CMSS1: variants seen among roughly 807,000 people sequenced by gnomAD.
CMSS1 encodes protein CMSS1.
A neutral mutation model predicts 43.5 loss-of-function variants in CMSS1; 33 were observed. The ratio of observed to expected loss-of-function variants is 0.76; its 90% CI spans 0.57 to 1.01. The LOEUF is 1.01. CMSS1 is among the 50% of genes least tolerant of loss of function. The pLI is 0.00. For missense variants in CMSS1, 313 were observed against 326.4 expected (o/e 0.96, Z 0.32); for synonymous variants, 115 against 117.2 (o/e 0.98, Z 0.12).
intron 1 of CMSS1, among the ~76,000 whole-genome samples, chr3:100,013,214 G>GTGT (rs35047568): frequency 0.18 from 25,714 of 145,398 alleles, 2,287 homozygotes; most frequent in Non-Finnish European, 0.18. Flanking sequence ...GGCCAGTGAG[G>GTGT]TGTTGTTGTT....
chr3:100,019,887 G>T (rs1190202081), intron 1 of CMSS1, among the ~76,000 whole-genome samples: 1 of 152,088 alleles, frequency 6.6e-6, no homozygotes, highest in Non-Finnish European at 1.5e-5. Context: ...AAGCTACAGT[G>T]ACTCTTTTTT....
At chr3:99,969,114 G>A (rs2107714252) in intron 1 of CMSS1, among the ~76,000 whole-genome samples, 1 of 152,312 alleles carries the variant, frequency 6.6e-6, no homozygotes, top group Middle Eastern at 3.4e-3. Flanking sequence ...GGGGGGCCAT[G>A]TGTGGAGGGC....
In CMSS1 at chr3:99,969,429, A is replaced by G. The variant is rs567157338; in HGVS notation, c.64+151386A>G. On this transcript the variant is annotated intron_variant, in intron 1 of 9. Transcript: ENST00000421999. ...GAGATTGAGGACTGCAGATTTATAT[A>G]GTTGCGTCAATCTGAAAGCTGACTT... is the stretch of plus-strand genomic sequence containing the variant. Among the ~76,000 whole-genome samples the G allele has an allele frequency of 4.6e-5, 7 of 152,312 alleles. No individual in the cohort carries two copies. In the East Asian group the frequency reaches 7.7e-4, roughly 17 times the overall value.
chr3:99,901,856 T>C (rs551103128), intron 1 of CMSS1, among the ~76,000 whole-genome samples: 1 of 152,282 alleles, frequency 6.6e-6, no homozygotes, highest in Non-Finnish European at 1.5e-5. Flanking sequence ...TTTATACATT[T>C]GATTTTTTTG....
At position 100,030,301 on chromosome 3, in the gene CMSS1, A is replaced by G. The variant is rs562691552; in HGVS notation, c.65-116672A>G. 4.6e-5 allele frequency among the ~76,000 whole-genome samples: 7 copies of G among 152,290 alleles called. No individual in the cohort carries two copies. The South Asian group carries it at 1.2e-3, about 27-fold the overall frequency. On this transcript the variant is annotated intron_variant, in intron 1 of 9. Transcript: ENST00000421999. The stretch of plus-strand genomic sequence containing the variant: ...GGATGAGAAAGGGATCTATGCCACC[A>G]GAAGTCAGTGATCAGGCCAAAACTA...
chr3:100,120,543 T>C (rs1279064952), intron 1 of CMSS1, among the ~76,000 whole-genome samples: 2 of 152,188 alleles, frequency 1.3e-5, no homozygotes, highest in African/African-American at 4.8e-5. Flanking sequence ...TTGCACATCT[T>C]ATAAAGAGGT....
At chr3:99,899,814 C>T (rs1333931663) in intron 1 of CMSS1, among the ~76,000 whole-genome samples, 1 of 152,088 alleles carries the variant, frequency 6.6e-6, no homozygotes, top group Non-Finnish European at 1.5e-5. Context: ...TCTGTGCCAC[C>T]GTTTTCTCAT....
At chr3:99,869,265 T>C (rs1019916634) in intron 1 of CMSS1, among the ~76,000 whole-genome samples, 1 of 152,202 alleles carries the variant, frequency 6.6e-6, no homozygotes, top group Non-Finnish European at 1.5e-5. Flanking sequence ...TGTGATTCTT[T>C]GCATCTGTGT....
chr3:100,066,995 C>T (rs1479214110), intron 1 of CMSS1, among the ~76,000 whole-genome samples: 1 of 152,144 alleles, frequency 6.6e-6, no homozygotes, highest in Non-Finnish European at 1.5e-5. Flanking sequence ...GTGTCCCATA[C>T]ACATATTGAG....
chr3:100,168,902 T>C (rs1170468781), intron 6 of CMSS1, among the ~76,000 whole-genome samples: 2 of 151,172 alleles, frequency 1.3e-5, no homozygotes, highest in Non-Finnish European at 2.9e-5. Context: ...CATATATATA[T>C]ACACATATAT....
intron 1 of CMSS1, among the ~76,000 whole-genome samples, chr3:99,971,370 C>T (rs1404311816): frequency 6.7e-6 from 1 of 150,114 alleles, no homozygotes; most frequent in Non-Finnish European, 1.5e-5. Context: ...GATGCTGGAA[C>T]CCATAAGTGA....
chr3:100,161,836 C>T (rs2067026270), intron 3 of CMSS1, among the ~76,000 whole-genome samples: 1 of 152,136 alleles, frequency 6.6e-6, no homozygotes, highest in Non-Finnish European at 1.5e-5. Context: ...TCTCAGTAGG[C>T]CCCTATGCTC....
At chr3:100,074,675 A>ATTTTTTTTTTTTTT (rs555819875) in intron 1 of CMSS1, among the ~76,000 whole-genome samples, 1,044 of 34,786 alleles carry the variant, frequency 0.03, 406 homozygotes, top group East Asian at 0.037. Context: ...GCAACATTTG[A>ATTTTTTTTTTTTTT]TTTTTTTTTT....
chr3:100,162,294 A>G lies in CMSS1; in HGVS notation c.226-9A>G, dbSNP rs757479185. ...TGTCGTCCCATTTTTCTTCTTTCTC[A>G]TATCTTAGAAGAAAATTACTGATGT... On this transcript the variant is annotated splice_polypyrimidine_tract_variant and intron_variant, in intron 3 of 9. Transcript: ENST00000421999. 8.7e-6 allele frequency: 14 copies of G among 1,605,506 alleles called. No homozygotes were observed. The highest frequency in any genetic ancestry group is 3.4e-5 in the Admixed American group (2 of 58,410).
chr3:100,115,596 TCTCTCTCTCTCTC>T (rs1348839150), intron 1 of CMSS1, among the ~76,000 whole-genome samples: 1 of 59,564 alleles, frequency 1.7e-5, no homozygotes, highest in Non-Finnish European at 3.9e-5. Context: ...TCTCTCTCTC[TCTCTCTCTCTCTC>T]TCTCTCTCTC....
chr3:100,151,613 T>C (rs907943596), intron 2 of CMSS1, among the ~76,000 whole-genome samples: 2 of 152,158 alleles, frequency 1.3e-5, no homozygotes, highest in Admixed American at 6.5e-5. Context: ...AGTTGACACC[T>C]CGTCACTTCT....
intron 2 of CMSS1, among the ~76,000 whole-genome samples, chr3:100,157,926 C>T (rs1194758995): frequency 6.6e-6 from 1 of 152,172 alleles, no homozygotes; most frequent in African/African-American, 2.4e-5. Flanking sequence ...AAGTACTGGA[C>T]CTTCTCAGAG....
At chr3:99,854,734 T>C (rs1943873446) in intron 1 of CMSS1, among the ~76,000 whole-genome samples, 1 of 152,164 alleles carries the variant, frequency 6.6e-6, no homozygotes, top group Non-Finnish European at 1.5e-5. Flanking sequence ...CATGTGTATG[T>C]TTGTGGCATG....
At chr3:100,056,753 C>T (rs1159167685) in intron 1 of CMSS1, among the ~76,000 whole-genome samples, 1 of 151,524 alleles carries the variant, frequency 6.6e-6, no homozygotes, top group Admixed American at 6.6e-5. Flanking sequence ...TAATCCCAGC[C>T]CTTTGGGAGG....
Sources: gnomAD v4.1 joint callset for allele counts (sites outside exome capture counted in the v4.1 genomes callset) on GRCh38, gnomAD v4.1.1 for gene constraint, MANE v1.5 for transcripts, NCBI Gene and HGNC (gene_info 2026-07-23, HGNC 2026-07-21) for gene names.